The following KIAA1328 variants were observed in gnomAD, a reference collection of about 807,000 sequenced individuals.
KIAA1328 encodes the protein KIAA1328, also known as protein hinderin.
In KIAA1328, 52 loss-of-function variants were observed where a neutral mutation model predicts 68.1. The observed-to-expected ratio is 0.76, with a 90% CI of 0.61 to 0.96. KIAA1328 has a LOEUF of 0.96. KIAA1328 is among the 40% of genes least tolerant of loss of function. The probability of loss-of-function intolerance (pLI) is 0.00; values close to 1 mark genes in which losing one functional copy is unlikely to be tolerated. For synonymous variants in KIAA1328, 232 were observed against 239.4 expected, an observed-to-expected ratio of 0.97 and a Z score of 0.28; for missense variants, 641 against 677.6, an observed-to-expected ratio of 0.95 and a Z score of 0.60.
intron 4 of KIAA1328, among the ~76,000 whole-genome samples, chr18:36,877,031 G>T (rs531392413): frequency 2.0e-5 from 3 of 152,280 alleles, no homozygotes; most frequent in South Asian, 4.1e-4. Flanking sequence ...TTGCACTGTG[G>T]TCTGTGAGAC....
intron 8 of KIAA1328, among the ~76,000 whole-genome samples, chr18:37,167,182 G>C (rs1400629686): frequency 6.6e-6 from 1 of 152,154 alleles, no homozygotes; most frequent in Non-Finnish European, 1.5e-5. Flanking sequence ...GTGGGGCTCT[G>C]ACCACATGGC....
At chr18:37,215,423 T>C (rs1451278983) in intron 9 of KIAA1328, among the ~76,000 whole-genome samples, 1 of 152,216 alleles carries the variant, frequency 6.6e-6, no homozygotes, top group Non-Finnish European at 1.5e-5. Flanking sequence ...GTTTTTGTCT[T>C]TAGTTCTGTT....
intron 7 of KIAA1328, among the ~76,000 whole-genome samples, chr18:37,125,650 C>G (rs2058371884): frequency 3.3e-5 from 5 of 152,262 alleles, no homozygotes; most frequent in South Asian, 4.1e-4. Context: ...TTACCAATCT[C>G]AAGAGCGAAA....
At chr18:36,990,963 GT>G (rs755178238) in intron 6 of KIAA1328, among the ~76,000 whole-genome samples, 101 of 152,274 alleles carry the variant, frequency 6.6e-4, no homozygotes, top group Non-Finnish European at 1.2e-3. Flanking sequence ...TGTATAAACA[GT>G]TAATTGTGAT....
At chr18:36,949,008 T>C (rs1171147989) in intron 5 of KIAA1328, among the ~76,000 whole-genome samples, 1 of 152,236 alleles carries the variant, frequency 6.6e-6, no homozygotes, top group Admixed American at 6.5e-5. Context: ...CCATAGTCTA[T>C]ATTGTCAGGA....
intron 5 of KIAA1328, among the ~76,000 whole-genome samples, chr18:36,910,061 T>A (rs1381690670): frequency 6.6e-6 from 1 of 152,204 alleles, no homozygotes; most frequent in Non-Finnish European, 1.5e-5. Context: ...TGCAGAAATT[T>A]TCTGTAGGTT....
chr18:36,966,419 A>G (rs567955722), intron 6 of KIAA1328, among the ~76,000 whole-genome samples: 1 of 152,340 alleles, frequency 6.6e-6, no homozygotes, highest in South Asian at 2.1e-4. Flanking sequence ...CTTACAAGAT[A>G]TAAAGATCGT....
Position 37,223,030 on chromosome 18 carries a change from A to G in KIAA1328, c.*803A>G. Reference sequence around the variant, plus strand: ...AATCCCTAGGTATTTTTATTTACCCAAGTGTTCAGCTTATTCACCCCACCC... The same window carrying G: ...AATCCCTAGGTATTTTTATTTACCCGAGTGTTCAGCTTATTCACCCCACCC... On this transcript the variant is annotated 3_prime_UTR_variant, in exon 10 of 10. Transcript: ENST00000280020. 1.0e-6 allele frequency: 1 copy of G among 984,970 alleles called. No individual in the cohort carries two copies. The highest frequency in any genetic ancestry group is 1.2e-6 in the Non-Finnish European group (1 of 829,924). 61.0% of individuals were successfully genotyped at this position (984,970 alleles called of 1,614,324 possible).
chr18:36,972,958 T>C (rs1361167742), intron 6 of KIAA1328, among the ~76,000 whole-genome samples: 1 of 152,246 alleles, frequency 6.6e-6, no homozygotes, highest in Non-Finnish European at 1.5e-5. Context: ...TTGTCTGTTG[T>C]GTGAATATAT....
chr18:37,192,414 T>A (rs2059923971), intron 9 of KIAA1328, among the ~76,000 whole-genome samples: 1 of 152,202 alleles, frequency 6.6e-6, no homozygotes, highest in Non-Finnish European at 1.5e-5. Context: ...ATGTGTAGCA[T>A]AAAATGGAAT....
intron 9 of KIAA1328, among the ~76,000 whole-genome samples, chr18:37,192,919 G>A (rs1415441433): frequency 6.6e-6 from 1 of 152,160 alleles, no homozygotes; most frequent in Non-Finnish European, 1.5e-5. Context: ...CACACAGGAA[G>A]AAAAGAAATA....
chr18:37,004,538 A>T (rs182488908), intron 6 of KIAA1328, among the ~76,000 whole-genome samples: 40 of 152,262 alleles, frequency 2.6e-4, no homozygotes, highest in Admixed American at 1.4e-3. Flanking sequence ...AGGGGAACAC[A>T]AATCAAAACC....
intron 6 of KIAA1328, among the ~76,000 whole-genome samples, chr18:37,027,976 A>G (rs2054659066): frequency 6.6e-6 from 1 of 152,234 alleles, no homozygotes; most frequent in Admixed American, 6.5e-5. Flanking sequence ...CAAAGGGCTA[A>G]TATCCAGAAT....
At chr18:37,037,993 C>T (rs911569818) in intron 6 of KIAA1328, among the ~76,000 whole-genome samples, 1 of 151,410 alleles carries the variant, frequency 6.6e-6, no homozygotes, top group Admixed American at 6.6e-5. Context: ...CCCAGCTACT[C>T]GGGAGGCTGA....
At chr18:37,070,657 G>A (rs1471714918) in intron 7 of KIAA1328, among the ~76,000 whole-genome samples, 2 of 150,282 alleles carry the variant, frequency 1.3e-5, no homozygotes, top group African/African-American at 2.5e-5. Context: ...TGCAACCTCC[G>A]TCTCCTGGGT....
intron 7 of KIAA1328, among the ~76,000 whole-genome samples, chr18:37,146,952 G>C (rs1167214010): frequency 6.6e-6 from 1 of 152,174 alleles, no homozygotes; most frequent in Non-Finnish European, 1.5e-5. Flanking sequence ...TTAATGAGTA[G>C]ATTAACTCCC....
At chr18:36,850,503 A>AT (rs1408154352) in intron 4 of KIAA1328, among the ~76,000 whole-genome samples, 1 of 151,962 alleles carries the variant, frequency 6.6e-6, no homozygotes, top group Admixed American at 6.6e-5. Flanking sequence ...CTATATATAT[A>AT]TTTTTTCCTA....
At chr18:36,900,483 T>C (rs975514324) in intron 5 of KIAA1328, among the ~76,000 whole-genome samples, 6 of 151,958 alleles carry the variant, frequency 3.9e-5, no homozygotes, top group African/African-American at 1.4e-4. Flanking sequence ...AACATAATAA[T>C]GCACTCTTTT....
At chr18:36,956,541 A>C (rs2051423757) in intron 5 of KIAA1328, among the ~76,000 whole-genome samples, 4 of 128,562 alleles carry the variant, frequency 3.1e-5, no homozygotes, top group South Asian at 2.5e-4. Context: ...GGAGGAAGGA[A>C]GTGGGGGGGG....
Sources: gnomAD v4.1 joint callset for allele counts (sites outside exome capture counted in the v4.1 genomes callset) on GRCh38, gnomAD v4.1.1 for gene constraint, MANE v1.5 for transcripts, NCBI Gene and HGNC (gene_info 2026-07-23, HGNC 2026-07-21) for gene names.